HPSE2: variants seen among roughly 807,000 people sequenced by gnomAD.
The protein encoded by HPSE2 is inactive heparanase-2.
Under a neutral mutation model 60.5 loss-of-function variants are expected in HPSE2, and 38 were observed. That is an observed-to-expected ratio of 0.63 (90% CI 0.48 to 0.82). HPSE2 has a LOEUF of 0.82. Among genes scored for constraint, HPSE2 ranks in the 40% least tolerant of loss-of-function variants. The pLI, the probability that HPSE2 is intolerant of heterozygous loss-of-function variation, is 0.00. For synonymous variants in HPSE2, 295 were observed against 293.2 expected (o/e 1.01, Z -0.06); for missense variants, 713 against 740.4 (o/e 0.96, Z 0.43).
chr10:99,117,344 C>T (rs1233537501), intron 3 of HPSE2, among the ~76,000 whole-genome samples: 3 of 131,980 alleles, frequency 2.3e-5, no homozygotes, highest in South Asian at 2.5e-4. Flanking sequence ...TAACCAAACT[C>T]GGAGCTGAAC....
chr10:98,596,770 C>A (rs1945250975), intron 9 of HPSE2, among the ~76,000 whole-genome samples: 1 of 152,100 alleles, frequency 6.6e-6, no homozygotes, highest in Admixed American at 6.6e-5. Context: ...TTTCTTGCTG[C>A]TTTCAATAAC....
the HPSE2 span, among the ~76,000 whole-genome samples, chr10:99,310,222 C>G: frequency 6.6e-6 from 1 of 152,222 alleles, no homozygotes; most frequent in African/African-American, 2.4e-5. Context: ...TTAATTACAT[C>G]TGCAAAGATC....
intron 3 of HPSE2, among the ~76,000 whole-genome samples, chr10:98,805,708 G>A (rs973566361): frequency 6.6e-6 from 1 of 152,012 alleles, no homozygotes; most frequent in Non-Finnish European, 1.5e-5. Context: ...AGATATTTAG[G>A]TAAATAAATA....
intron 9 of HPSE2, among the ~76,000 whole-genome samples, chr10:98,550,918 T>C (rs1212922562): frequency 6.6e-6 from 1 of 152,146 alleles, no homozygotes; most frequent in Non-Finnish European, 1.5e-5. Flanking sequence ...CGGGACTAGT[T>C]TGTTTTGATC....
At chr10:98,715,254 A>G (rs993200581) in intron 5 of HPSE2, among the ~76,000 whole-genome samples, 10 of 151,828 alleles carry the variant, frequency 6.6e-5, no homozygotes, top group African/African-American at 2.4e-4. Context: ...CTAAGAAATC[A>G]CTCCTTAAAC....
Position 98,679,643 on chromosome 10 carries a change from G to GT in HPSE2, c.1004+14256dup, listed in dbSNP as rs1489678911. 4.6e-5 allele frequency among the ~76,000 whole-genome samples: 7 copies of GT among 152,106 alleles called. No individual in the cohort carries two copies. The South Asian group carries it at 1.5e-3, about 32-fold the overall frequency. On this transcript the variant is annotated intron_variant, in intron 6 of 11. Coordinates refer to ENST00000370552, the MANE Select transcript of HPSE2 (RefSeq NM_021828.5). ...TAAGTTATTATTTTGAAGTCCTAAT[G>GT]TTTTTCTTGTGCCTACATGGAAATA...
At chr10:99,153,768 C>T (rs998535445) in intron 2 of HPSE2, among the ~76,000 whole-genome samples, 21 of 152,196 alleles carry the variant, frequency 1.4e-4, no homozygotes, top group Non-Finnish European at 2.6e-4. Context: ...CTTTGACGAG[C>T]TGAGAGAAGA....
intron 2 of HPSE2, among the ~76,000 whole-genome samples, chr10:99,216,698 C>A (rs1005505670): frequency 6.6e-6 from 1 of 152,122 alleles, no homozygotes; most frequent in Non-Finnish European, 1.5e-5. Flanking sequence ...TCTATCAGGA[C>A]AAGACAATGT....
At chr10:98,537,870 C>G in intron 9 of HPSE2, among the ~76,000 whole-genome samples, 1 of 152,244 alleles carries the variant, frequency 6.6e-6, no homozygotes, top group East Asian at 1.9e-4. Context: ...TCCTTGTCCA[C>G]TTTCATGTTC....
At chr10:98,822,968 C>G (rs935579332) in intron 3 of HPSE2, among the ~76,000 whole-genome samples, 1 of 151,994 alleles carries the variant, frequency 6.6e-6, no homozygotes, top group Non-Finnish European at 1.5e-5. Flanking sequence ...TCCAAGTGAG[C>G]CTGATATAAT....
chr10:98,491,965 A>G (rs1286105427), intron 9 of HPSE2, among the ~76,000 whole-genome samples: 2 of 152,240 alleles, frequency 1.3e-5, no homozygotes, highest in South Asian at 2.1e-4. Flanking sequence ...CATTTAGAAC[A>G]CAAGAACAGC....
intron 3 of HPSE2, among the ~76,000 whole-genome samples, chr10:99,138,150 T>C (rs2135759098): frequency 6.6e-6 from 1 of 152,332 alleles, no homozygotes; most frequent in South Asian, 2.1e-4. Flanking sequence ...ATGCTCATCA[T>C]CACTGGTCAT....
At chr10:98,746,388 G>A (rs552092666) in intron 3 of HPSE2, among the ~76,000 whole-genome samples, 4 of 151,506 alleles carry the variant, frequency 2.6e-5, no homozygotes, top group Admixed American at 2.6e-4. Flanking sequence ...TATTCATATT[G>A]CTTTGATGTA....
chr10:99,194,881 AT>A (rs1443969100), intron 2 of HPSE2, among the ~76,000 whole-genome samples: 2 of 152,086 alleles, frequency 1.3e-5, no homozygotes, highest in Non-Finnish European at 2.9e-5. Context: ...GAACTTCCAA[AT>A]TCATTCTACA....
At chr10:98,597,155 A>G (rs1945261770) in intron 9 of HPSE2, among the ~76,000 whole-genome samples, 1 of 152,156 alleles carries the variant, frequency 6.6e-6, no homozygotes, top group African/African-American at 2.4e-5. Context: ...ACCTCCCACC[A>G]GGTCCCTCCT....
chr10:99,102,932 A>T (rs921272914), intron 3 of HPSE2, among the ~76,000 whole-genome samples: 1 of 152,076 alleles, frequency 6.6e-6, no homozygotes, highest in Admixed American at 6.6e-5. Flanking sequence ...AAATTCAACA[A>T]CCCTTCATGC....
At chr10:98,582,998 C>G (rs564657247) in intron 9 of HPSE2, among the ~76,000 whole-genome samples, 1 of 152,234 alleles carries the variant, frequency 6.6e-6, no homozygotes, top group East Asian at 1.9e-4. Flanking sequence ...ACAAAATGGA[C>G]TCATTTTTGT....
chr10:98,879,800 C>G (rs922895337), intron 3 of HPSE2, among the ~76,000 whole-genome samples: 5 of 151,360 alleles, frequency 3.3e-5, no homozygotes, highest in Non-Finnish European at 5.9e-5. Context: ...AACAGACTTA[C>G]AGTTGACAGT....
chr10:98,539,082 T>A (rs1484428315), intron 9 of HPSE2, among the ~76,000 whole-genome samples: 3 of 152,244 alleles, frequency 2.0e-5, no homozygotes, highest in African/African-American at 7.2e-5. Flanking sequence ...AGGCAAAACA[T>A]GACTGCTTGA....
Sources: gnomAD v4.1 joint callset for allele counts (sites outside exome capture counted in the v4.1 genomes callset) on GRCh38, gnomAD v4.1.1 for gene constraint, MANE v1.5 for transcripts, NCBI Gene and HGNC (gene_info 2026-07-23, HGNC 2026-07-21) for gene names.